Variants in HIPK3 observed in about 807,000 individuals in gnomAD.
The protein encoded by HIPK3 is homeodomain interacting protein kinase 3, also known as homeodomain-interacting protein kinase 3.
Under a neutral mutation model 124.2 loss-of-function variants are expected in HIPK3, and 47 were observed. The ratio of observed to expected loss-of-function variants is 0.38; its 90% CI spans 0.30 to 0.48. The LOEUF is 0.48. Among genes scored for constraint, HIPK3 ranks in the 20% least tolerant of loss-of-function variants. The pLI, the probability that HIPK3 is intolerant of heterozygous loss-of-function variation, is 0.98. For missense variants in HIPK3, 1,286 were observed against 1,454.3 expected (o/e 0.88, Z 1.88); for synonymous variants, 482 against 515.2 (o/e 0.94, Z 0.87).
intron 5 of HIPK3, 67 bp downstream of exon 5, chr11:33,338,910 CA>C: frequency 9.3e-7 from 1 of 1,076,936 alleles, no homozygotes. Flanking sequence ...CCAAGGGGCC[CA>C]AAACATGTTA....
intron 4 of HIPK3, among the ~76,000 whole-genome samples, chr11:33,337,658 G>A (rs1283601672): frequency 6.8e-6 from 1 of 147,926 alleles, no homozygotes; most frequent in Admixed American, 6.8e-5. Flanking sequence ...GCCTGGCCCC[G>A]TCCTTCTCTC....
chr11:33,262,904 ACCT>A (rs1565050876), intron 1 of HIPK3, among the ~76,000 whole-genome samples: 1 of 152,014 alleles, frequency 6.6e-6, no homozygotes, highest in East Asian at 1.9e-4. Context: ...TGCAGCCTCA[ACCT>A]CCTGAGCTCA....
chr11:33,347,526 T>A (rs1307997603), intron 9 of HIPK3, 103 bp from the exon 10 acceptor site: 2 of 1,571,244 alleles, frequency 1.3e-6, no homozygotes, highest in Admixed American at 3.6e-5. Context: ...TTAATGTTTA[T>A]AATTGTTAGC....
At chr11:33,304,409 T>A (rs1313277807) in intron 2 of HIPK3, among the ~76,000 whole-genome samples, 3 of 152,028 alleles carry the variant, frequency 2.0e-5, no homozygotes, top group Non-Finnish European at 4.4e-5. Context: ...AATACAAAAT[T>A]AGCTGGGCTT....
chr11:33,316,991 AT>A (rs1212383214), intron 2 of HIPK3, among the ~76,000 whole-genome samples: 1 of 151,942 alleles, frequency 6.6e-6, no homozygotes, highest in Admixed American at 6.6e-5. Context: ...TGTTTAATTA[AT>A]TTTTTTTGAG....
Position 33,347,294 on chromosome 11 carries a change from T to C in HIPK3, c.1899T>C (p.Gly633=), listed in dbSNP as rs557816167. The C allele has an allele frequency of 9.3e-6, 15 of 1,609,954 alleles. No individual in the cohort carries two copies. The African/African-American group carries it at 1.6e-4, about 17-fold the overall frequency. The change falls in exon 9 of 17, where the codon GGT becomes GGC. Residue 633 remains glycine (G), a splice_region_variant and synonymous_variant. Transcript: ENST00000303296. ...TLIICPPAIQ[G]IPATHGKPTS... is the part of the protein sequence containing the mutation. ...TTTGATAACTATTCTGTTTCACAGG[T>C]ATTCCTGCAACACATGGTAAACCCA...
intron 1 of HIPK3, among the ~76,000 whole-genome samples, chr11:33,264,630 A>T (rs1438481777): frequency 6.6e-6 from 1 of 152,202 alleles, no homozygotes; most frequent in African/African-American, 2.4e-5. Context: ...ACTTGGCTGT[A>T]TTTGGCTAGA....
rs2134011278 is a variant in HIPK3 at position 33,356,790 on chromosome 11, T to A, written c.*3222T>A. On this transcript the variant is annotated 3_prime_UTR_variant, in exon 17 of 17. Transcript: ENST00000303296. The stretch of plus-strand genomic sequence containing the variant: ...GCTACACTAGTTTGCCATGTAGCAA[T>A]TGCACTGTGCAATATTACAATAAGG... 6.6e-6 allele frequency: 1 copy of A among 152,248 alleles called. No individual in the cohort carries two copies. Among genetic ancestry groups the A allele is most frequent in the East Asian group, 1.9e-4 (1 of 5,194 alleles). The allele number at this position is 152,248 out of a possible 1,614,324, so 9.4% of individuals were successfully genotyped here.
In HIPK3 at chr11:33,294,401, TACACACCC is replaced by T. The variant is rs202000778; in HGVS notation, c.1097+6901_1097+6908del. Among the ~76,000 whole-genome samples the T allele has an allele frequency of 3.4e-4, 51 of 152,200 alleles. 1 individual carries two copies. The East Asian group carries it at 9.1e-3, about 27-fold the overall frequency. On this transcript the variant is annotated intron_variant, in intron 2 of 16. Coordinates refer to ENST00000303296, the MANE Select transcript of HIPK3 (RefSeq NM_005734.5). ...CTAGTTTTATCAATCATTCTCTCTTTACACACCCACACACCCACCCTCACCTACCCACC... is the reference window on the plus strand; with the variant it reads ...CTAGTTTTATCAATCATTCTCTCTTTACACACCCACCCTCACCTACCCACC...
chr11:33,272,856 C>T (rs1313446152), intron 1 of HIPK3, among the ~76,000 whole-genome samples: 2 of 99,982 alleles, frequency 2.0e-5, no homozygotes, highest in African/African-American at 3.7e-5. Context: ...TCCCTCCTGT[C>T]CCCTGTCGAG....
At chr11:33,335,076 G>C (rs1853100310) in intron 3 of HIPK3, among the ~76,000 whole-genome samples, 1 of 152,166 alleles carries the variant, frequency 6.6e-6, no homozygotes, top group South Asian at 2.1e-4. Context: ...TTTCTGATTT[G>C]AGTGGATGGT....
intron 2 of HIPK3, among the ~76,000 whole-genome samples, chr11:33,318,891 C>T (rs1050656195): frequency 1.3e-5 from 2 of 152,214 alleles, no homozygotes; most frequent in South Asian, 4.1e-4. Flanking sequence ...CATTTGGTTT[C>T]CTGTGTTTCT....
At chr11:33,347,570 G>A in intron 9 of HIPK3, 59 bp from the exon 10 acceptor site, 1 of 1,588,010 alleles carries the variant, frequency 6.3e-7, no homozygotes, top group Non-Finnish European at 8.6e-7. Context: ...TTTAAGATAT[G>A]GTAAAGTTCA....
intron 2 of HIPK3, among the ~76,000 whole-genome samples, chr11:33,315,619 T>A (rs1333871775): frequency 1.3e-5 from 2 of 152,218 alleles, no homozygotes; most frequent in Admixed American, 1.3e-4. Context: ...TGCCTTGGCC[T>A]CCCAAAGTGA....
Position 33,311,452 on chromosome 11 carries a change from T to C in HIPK3, c.1098-17058T>C, listed in dbSNP as rs564889617. ...ACCTTGGCCTCCCAAAGTGCCAGGATTACAGGTTTCAGCCACCATGCCTGG... is the reference window on the plus strand; with the variant it reads ...ACCTTGGCCTCCCAAAGTGCCAGGACTACAGGTTTCAGCCACCATGCCTGG... On this transcript the variant is annotated intron_variant, in intron 2 of 16. Transcript: ENST00000303296. Among the ~76,000 whole-genome samples, 4 of 152,346 alleles carry C rather than the reference T, an allele frequency of 2.6e-5. No individual in the cohort carries two copies. In the South Asian group the frequency reaches 8.3e-4, roughly 32 times the overall value.
rs745478034 is a variant in HIPK3 at position 33,257,685 on chromosome 11, A to G, written c.-207A>G. On this transcript the variant is annotated 5_prime_UTR_variant, in exon 1 of 17. Coordinates refer to ENST00000303296, the MANE Select transcript of HIPK3 (RefSeq NM_005734.5). ...CAGCCAGAGCAGCAGCAGCAGCAGC[A>G]GCGGTCGGGGGAGGGTGTTTCGCCG... 3.0e-6 allele frequency: 3 copies of G among 994,488 alleles called. No homozygotes were observed. Among genetic ancestry groups the G allele is most frequent in the Non-Finnish European group, 3.6e-6 (3 of 836,714 alleles). The allele number at this position is 994,488 out of a possible 1,614,324, so 61.6% of individuals were successfully genotyped here. A position where few individuals can be genotyped will look rare whatever the true frequency, so the allele number is the denominator to read the frequency against.
At chr11:33,286,314 G>A (rs1428385323) in intron 1 of HIPK3, 99 bp from the exon 2 acceptor site, 2 of 1,079,614 alleles carry the variant, frequency 1.9e-6, no homozygotes, top group Non-Finnish European at 2.5e-6. Flanking sequence ...TGACCCTTAA[G>A]AGTTTTCTTC....
chr11:33,318,470 G>A (rs1336812656), intron 2 of HIPK3, among the ~76,000 whole-genome samples: 1 of 152,170 alleles, frequency 6.6e-6, no homozygotes, highest in Non-Finnish European at 1.5e-5. Context: ...CTTACTAGCT[G>A]TGTGACCTTA....
intron 2 of HIPK3, among the ~76,000 whole-genome samples, chr11:33,319,690 A>T (rs1484503901): frequency 2.0e-5 from 3 of 152,184 alleles, no homozygotes; most frequent in African/African-American, 4.8e-5. Flanking sequence ...TGAATGATGT[A>T]TGCTATTAGC....
Sources: allele counts gnomAD v4.1 joint callset (sites outside exome capture counted in the v4.1 genomes callset), GRCh38; gene constraint gnomAD v4.1.1; transcripts MANE v1.5; gene names NCBI Gene and HGNC (gene_info 2026-07-23, HGNC 2026-07-21).